The following AKAP6 variants were observed in gnomAD, a reference collection of about 807,000 sequenced individuals.
AKAP6 encodes A-kinase anchoring protein 6.
AKAP6 carries 58 observed loss-of-function variants against 188.5 expected under a neutral mutation model. The observed-to-expected ratio is 0.31, with a 90% CI of 0.25 to 0.38. AKAP6 has a LOEUF of 0.38. Ranked by LOEUF, AKAP6 falls within the 10% of genes least tolerant of loss-of-function variation. AKAP6 has a pLI of 1.00. For missense variants in AKAP6, 2,710 were observed against 2,740.0 expected (o/e 0.99, Z 0.24); for synonymous variants, 989 against 998.6 (o/e 0.99, Z 0.18).
intron 1 of AKAP6, among the ~76,000 whole-genome samples, chr14:32,427,087 G>A (rs932292120): frequency 4.6e-5 from 7 of 152,154 alleles, no homozygotes; most frequent in East Asian, 1.9e-4. Flanking sequence ...TGATAACACC[G>A]AGATCTTTTA....
intron 8 of AKAP6, among the ~76,000 whole-genome samples, chr14:32,679,263 G>A (rs901690814): frequency 4.6e-5 from 7 of 151,924 alleles, no homozygotes; most frequent in African/African-American, 1.7e-4. Context: ...TATTTAATAG[G>A]TGATTTTAGA....
intron 2 of AKAP6, among the ~76,000 whole-genome samples, chr14:32,461,898 G>C (rs1285089377): frequency 6.6e-6 from 1 of 151,714 alleles, no homozygotes; most frequent in Non-Finnish European, 1.5e-5. Flanking sequence ...TGACTTGATG[G>C]AGCTGAAAAC....
At chr14:32,716,541 C>T (rs543511862) in intron 9 of AKAP6, among the ~76,000 whole-genome samples, 2 of 149,158 alleles carry the variant, frequency 1.3e-5, no homozygotes, top group Non-Finnish European at 3.0e-5. Flanking sequence ...TACATATATA[C>T]TATATACTAT....
intron 12 of AKAP6, among the ~76,000 whole-genome samples, chr14:32,790,822 T>C (rs1566714049): frequency 2.0e-5 from 3 of 152,136 alleles, no homozygotes; most frequent in Non-Finnish European, 2.9e-5. Context: ...CCTGTGTCCA[T>C]GTGTTCTCAT....
chr14:32,647,274 T>C (rs1293295731), intron 7 of AKAP6, among the ~76,000 whole-genome samples: 3 of 152,130 alleles, frequency 2.0e-5, no homozygotes, highest in African/African-American at 7.2e-5. Flanking sequence ...TCTGATGCAA[T>C]TGTAATTTCA....
At chr14:32,679,653 T>G (rs1438878768) in intron 8 of AKAP6, among the ~76,000 whole-genome samples, 1 of 152,164 alleles carries the variant, frequency 6.6e-6, no homozygotes, top group Non-Finnish European at 1.5e-5. Flanking sequence ...ATATAGGAAA[T>G]AACTCCTGTA....
intron 7 of AKAP6, among the ~76,000 whole-genome samples, chr14:32,675,592 G>A (rs534121385): frequency 6.6e-6 from 1 of 152,150 alleles, no homozygotes; most frequent in Non-Finnish European, 1.5e-5. Flanking sequence ...CTTAGTAGGA[G>A]GAACTACTTT....
intron 2 of AKAP6, among the ~76,000 whole-genome samples, chr14:32,483,048 A>C (rs1879447648): frequency 6.7e-6 from 1 of 148,178 alleles, no homozygotes; most frequent in African/African-American, 2.5e-5. Context: ...GATATAACCA[A>C]ATTGTTTTCT....
At chr14:32,447,540 G>T (rs1450784059) in intron 2 of AKAP6, among the ~76,000 whole-genome samples, 1 of 152,196 alleles carries the variant, frequency 6.6e-6, no homozygotes, top group Non-Finnish European at 1.5e-5. Context: ...TTAACCCAGA[G>T]CAAAATTTGA....
In AKAP6 at chr14:32,546,377, C is replaced by T. The variant is rs1387965858; in HGVS notation, c.1724C>T (p.Ser575Leu). The T allele has an allele frequency of 1.2e-6, 2 of 1,614,088 alleles. No homozygotes were observed. The highest frequency in any genetic ancestry group is 1.7e-6 in the Non-Finnish European group (2 of 1,180,046). ...KLQLQSETSS[S>L]PAFTQSSESS... ...CAATTGCAGTCAGAAACATCCAGTT[C>T]ACCAGCTTTTACTCAGAGCAGTGAA... Residue 575 changes from serine to leucine, a missense_variant, in exon 4 of 14, where the codon TCA becomes TTA. Physicochemically the swap from Ser to Leu is moderately radical, Grantham distance 145. This residue lies in a region of AKAP6 where 2,473 missense variants were observed against 2,426.1 expected (regional missense o/e 1.02). Transcript: ENST00000280979.
intron 11 of AKAP6, among the ~76,000 whole-genome samples, chr14:32,748,961 CAT>C (rs1159971396): frequency 7.2e-5 from 11 of 152,264 alleles, no homozygotes; most frequent in African/African-American, 2.4e-4. Context: ...CACACACACA[CAT>C]ATACACACAC....
chr14:32,828,845 T>A (rs765531389), intron 13 of AKAP6, among the ~76,000 whole-genome samples: 14 of 152,240 alleles, frequency 9.2e-5, no homozygotes, highest in Non-Finnish European at 1.3e-4. Context: ...CAGTTCTTTA[T>A]CTAATTTTTC....
chr14:32,336,832 G>C (rs986565563), intron 1 of AKAP6, among the ~76,000 whole-genome samples: 14 of 151,686 alleles, frequency 9.2e-5, no homozygotes, highest in African/African-American at 3.2e-4. Flanking sequence ...TTACCTTCTG[G>C]GACTGTTCTG....
At chr14:32,812,922 G>T (rs772418370) in intron 12 of AKAP6, among the ~76,000 whole-genome samples, 19 of 152,090 alleles carry the variant, frequency 1.2e-4, no homozygotes, top group Non-Finnish European at 7.4e-5. Context: ...AATGTGTGGG[G>T]TTTTTTTACA....
chr14:32,329,875 G>A (rs1265951460), intron 1 of AKAP6, among the ~76,000 whole-genome samples: 7 of 152,032 alleles, frequency 4.6e-5, no homozygotes, highest in African/African-American at 1.7e-4. Flanking sequence ...TCATGGCAAG[G>A]AACAAATGCT....
intron 9 of AKAP6, 72 bp from the exon 10 acceptor site, chr14:32,732,382 A>G: frequency 6.6e-7 from 1 of 1,520,458 alleles, no homozygotes. Flanking sequence ...AAGCATCACA[A>G]ATTCTGTGTT....
At chr14:32,502,941 C>T (rs1384627923) in intron 2 of AKAP6, among the ~76,000 whole-genome samples, 1 of 152,004 alleles carries the variant, frequency 6.6e-6, no homozygotes, top group Non-Finnish European at 1.5e-5. Flanking sequence ...ATATTGCATA[C>T]ATAAATTCTC....
rs73258786 is a variant in AKAP6, at chr14:32,834,449, T to C, written c.*4644T>C. On this transcript the variant is annotated 3_prime_UTR_variant, in exon 14 of 14. Transcript: ENST00000280979. ...TAGTTTATATTCAAGTTTCTCTAAC[T>C]ACCCAAATTATGTCCTCTTATAGTT... 3 of 151,688 alleles carry C rather than the reference T, an allele frequency of 2.0e-5. No homozygotes were observed. The highest frequency in any genetic ancestry group is 4.8e-5 in the African/African-American group (2 of 41,416). The allele number at this position is 151,688 out of a possible 1,614,324, so 9.4% of individuals were successfully genotyped here. A position where few individuals can be genotyped will look rare whatever the true frequency, so the allele number is the denominator to read the frequency against.
At chr14:32,477,604 A>C (rs1475619826) in intron 2 of AKAP6, among the ~76,000 whole-genome samples, 5 of 152,224 alleles carry the variant, frequency 3.3e-5, no homozygotes, top group Non-Finnish European at 4.4e-5. Context: ...TTAGTGCTGC[A>C]ATTTCAAGAC....
Sources: allele counts gnomAD v4.1 joint callset (sites outside exome capture counted in the v4.1 genomes callset), GRCh38; gene constraint gnomAD v4.1.1; regional missense constraint gnomAD v4.1.1; transcripts MANE v1.5; gene names NCBI Gene and HGNC (gene_info 2026-07-23, HGNC 2026-07-21).